Variants in SLC61A1 observed in about 807,000 individuals in gnomAD.
The protein encoded by SLC61A1 is solute carrier family 61 member 1.
At chr12:53,252,425 G>GCCCGGGACAGAGGATGAGACAC in the SLC61A1 span, 1 of 1,286,090 alleles carries the variant, frequency 7.8e-7, no homozygotes, top group Non-Finnish European at 9.9e-7. Flanking sequence ...TGGGAGGGAT[G>GCCCGGGACAGAGGATGAGACAC]CCCGGGACAG....
chr12:53,252,735 G>A, the SLC61A1 span: 2 of 1,460,728 alleles, frequency 1.4e-6, no homozygotes, highest in Non-Finnish European at 1.8e-6. Flanking sequence ...GGGGTTGGGT[G>A]GAGCTGCCAT....
At chr12:53,254,085 T>G in the SLC61A1 span, 160 of 1,614,066 alleles carry the variant, frequency 9.9e-5, no homozygotes, top group Non-Finnish European at 7.1e-5. Context: ...GCTGTCATGG[T>G]GATGGCTCTG....
chr12:53,251,600 C>A, the SLC61A1 span: 2 of 890,596 alleles, frequency 2.2e-6, no homozygotes, highest in Non-Finnish European at 3.3e-6. Flanking sequence ...GGAAGTTATG[C>A]GGCTTGCCCA....
chr12:53,252,869 C>A, the SLC61A1 span: 3 of 1,614,018 alleles, frequency 1.9e-6, no homozygotes, highest in African/African-American at 4.0e-5. Flanking sequence ...TTTTGTAGGC[C>A]TCCTGGCCTC....
chr12:53,253,703 G>A, the SLC61A1 span: 1 of 1,614,008 alleles, frequency 6.2e-7, no homozygotes, highest in Non-Finnish European at 8.5e-7. Context: ...CAGCTTCATG[G>A]CAGCCAGCCT....
At chr12:53,252,392 G>T in the SLC61A1 span, 1 of 1,306,638 alleles carries the variant, frequency 7.7e-7, no homozygotes. Flanking sequence ...TGACCCTGAA[G>T]CAACTCGAGA....
chr12:53,251,961 C>A, the SLC61A1 span: 1 of 1,537,064 alleles, frequency 6.5e-7, no homozygotes, highest in Non-Finnish European at 8.7e-7. Context: ...CGAGGCCAGG[C>A]CAGGAGAAGC....
chr12:53,251,696 C>T, the SLC61A1 span: 1 of 1,503,762 alleles, frequency 6.6e-7, no homozygotes, highest in Admixed American at 2.1e-5. Flanking sequence ...ACCACACCGC[C>T]TCCCTCAGGT....
the SLC61A1 span, chr12:53,253,376 C>CACTACAGCACA: frequency 1.9e-6 from 3 of 1,614,266 alleles, no homozygotes; most frequent in Non-Finnish European, 2.5e-6. Context: ...GAACCATGTG[C>CACTACAGCACA]TGGCTGTAGT....
At chr12:53,253,910 C>T in the SLC61A1 span, 2 of 1,614,218 alleles carry the variant, frequency 1.2e-6, no homozygotes, top group East Asian at 2.2e-5. Context: ...ATTATACTTT[C>T]CCAGCATGAG....
chr12:53,253,105 C>T, the SLC61A1 span: 1 of 1,614,270 alleles, frequency 6.2e-7, no homozygotes, highest in Non-Finnish European at 8.5e-7. Flanking sequence ...CTACAGTCCT[C>T]TTTGGCCTAG....
chr12:53,254,132 G>C, the SLC61A1 span: 1 of 1,614,212 alleles, frequency 6.2e-7, no homozygotes, highest in Non-Finnish European at 8.5e-7. Flanking sequence ...GGTAAGGCAT[G>C]ATGCTGAGCT....
chr12:53,252,950 C>T, the SLC61A1 span: 1 of 1,614,192 alleles, frequency 6.2e-7, no homozygotes, highest in Non-Finnish European at 8.5e-7. Flanking sequence ...TCCCTCCTTC[C>T]TTCGGTTTCA....
the SLC61A1 span, chr12:53,253,235 C>G: frequency 6.2e-7 from 1 of 1,614,252 alleles, no homozygotes; most frequent in Admixed American, 1.7e-5. Context: ...GCTAGTGGGG[C>G]GAGCACTTGG....
At chr12:53,252,502 C>A in the SLC61A1 span, 1 of 1,340,044 alleles carries the variant, frequency 7.5e-7, no homozygotes, top group Non-Finnish European at 9.6e-7. Flanking sequence ...AGGAAGTGTA[C>A]GGGAGCTGCT....
At chr12:53,253,540 C>T in the SLC61A1 span, 3 of 1,614,164 alleles carry the variant, frequency 1.9e-6, no homozygotes, top group South Asian at 2.2e-5. Flanking sequence ...TCTCAAGGAC[C>T]TGTGCTGGAG....
chr12:53,251,985 T>A, the SLC61A1 span: 1 of 1,536,072 alleles, frequency 6.5e-7, no homozygotes, highest in Non-Finnish European at 8.7e-7. Context: ...CGCAGCCTCC[T>A]ATGGTCGCCC....
At chr12:53,253,274 GCCTT>G in the SLC61A1 span, 1 of 1,614,248 alleles carries the variant, frequency 6.2e-7, no homozygotes, top group Non-Finnish European at 8.5e-7. Context: ...GCTCTTCTCA[GCCTT>G]CGAGGCCTGG....
At chr12:53,251,391 T>G in the SLC61A1 span, 1 of 240,016 alleles carries the variant, frequency 4.2e-6, no homozygotes, top group Non-Finnish European at 8.1e-6. Context: ...AGATGGGAAG[T>G]CATTGGAGGC....
Sources: allele counts gnomAD v4.1 joint callset, GRCh38; gene constraint gnomAD v4.1.1; transcripts MANE v1.5; gene names NCBI Gene and HGNC (gene_info 2026-07-23, HGNC 2026-07-21).